CRY2: variants seen among roughly 807,000 people sequenced by gnomAD.
CRY2 encodes cryptochrome circadian regulator 2, also known as cryptochrome-2.
A neutral mutation model predicts 69.5 loss-of-function variants in CRY2; 31 were observed. The ratio of observed to expected loss-of-function variants is 0.45; its 90% CI spans 0.34 to 0.60. CRY2 has a LOEUF of 0.60. CRY2 is among the 20% of genes least tolerant of loss of function. The pLI is 0.02. For synonymous variants in CRY2, 303 were observed against 312.2 expected, an observed-to-expected ratio of 0.97 and a Z score of 0.31; for missense variants, 606 against 797.8, an observed-to-expected ratio of 0.76 and a Z score of 2.90.
Position 45,858,745 on chromosome 11 carries a change from C to G in CRY2, c.339C>G (p.Thr113=). The change falls in exon 3 of 12, where the codon ACC becomes ACG. Residue 113 remains threonine (T), a synonymous_variant. Coordinates refer to ENST00000616080, the MANE Select transcript of CRY2 (RefSeq NM_021117.5). ...FPRLFKEWGV[T]RLTFEYDSEP... is the part of the protein sequence containing the mutation. ...TCTCCCCACAGGAATGGGGAGTGAC[C>G]CGCTTGACCTTTGAATATGACTCTG... 6.2e-7 allele frequency: 1 copy of G among 1,613,778 alleles called. No homozygotes were observed. Among genetic ancestry groups the G allele is most frequent in the Non-Finnish European group, 8.5e-7 (1 of 1,179,858 alleles).
chr11:45,858,964 A>G (rs1443023198), intron 3 of CRY2, 91 bp downstream of exon 3: 1 of 1,485,770 alleles, frequency 6.7e-7, no homozygotes, highest in Non-Finnish European at 9.1e-7. Context: ...GTTCAGCATT[A>G]GGGCTACCTG....
At position 45,882,271 on chromosome 11, in the gene CRY2, T is replaced by TGC. The variant is rs2086479874; in HGVS notation, c.*1361_*1362insCG. Reference sequence around the variant, plus strand: ...CTGCACTTGAGCCACAAAGTGTGTGTGTGTGTGTGCGTGTGTGGTACGTGT... The same window carrying TGC: ...CTGCACTTGAGCCACAAAGTGTGTGTGCGTGTGTGTGCGTGTGTGGTACGTGT... On this transcript the variant is annotated 3_prime_UTR_variant, in exon 12 of 12. Transcript: ENST00000616080. 1 of 202,464 alleles carries TGC rather than the reference T, an allele frequency of 4.9e-6. No individual in the cohort carries two copies. The highest frequency in any genetic ancestry group is 2.3e-5 in the African/African-American group (1 of 43,324). The allele number at this position is 202,464 out of a possible 1,614,324, so 12.5% of individuals were successfully genotyped here.
chr11:45,849,706 C>CA (rs1292299666), intron 1 of CRY2, among the ~76,000 whole-genome samples: 2 of 151,642 alleles, frequency 1.3e-5, no homozygotes, highest in Non-Finnish European at 2.9e-5. Context: ...CTGCAACCTC[C>CA]ACCTCCCGGG....
intron 5 of CRY2, 56 bp downstream of exon 5, chr11:45,862,204 G>A: frequency 6.5e-7 from 1 of 1,526,862 alleles, no homozygotes; most frequent in South Asian, 1.2e-5. Flanking sequence ...CACAGCAGGA[G>A]ATACAGGTCA....
At chr11:45,848,382 C>T (rs557936416) in intron 1 of CRY2, among the ~76,000 whole-genome samples, 1 of 152,216 alleles carries the variant, frequency 6.6e-6, no homozygotes, top group African/African-American at 2.4e-5. Context: ...TGTTTTAAGC[C>T]CTGCTCTGGA....
At chr11:45,867,429 T>C (rs1269217734) in intron 5 of CRY2, 183 bp from the exon 6 acceptor site, 1 of 662,590 alleles carries the variant, frequency 1.5e-6, no homozygotes. Flanking sequence ...GAGAATGACA[T>C]AGACTCGTTG....
chr11:45,867,451 G>T, intron 5 of CRY2, 161 bp from the exon 6 acceptor site: 1 of 796,640 alleles, frequency 1.3e-6, no homozygotes, highest in Non-Finnish European at 2.0e-6. Context: ...TTGGTCTGAT[G>T]GTGGTTCCGT....
chr11:45,879,859 A>G lies in CRY2; in HGVS notation c.*3-1055A>G, dbSNP rs114549313. Among the ~76,000 whole-genome samples, 930 of 152,250 alleles carry G rather than the reference A, an allele frequency of 6.1e-3. 13 individuals are homozygous for G. Among genetic ancestry groups the G allele is most frequent in the Middle Eastern group, 0.02 (6 of 294 alleles). On this transcript the variant is annotated intron_variant, in intron 11 of 11. Transcript: ENST00000616080. The stretch of plus-strand genomic sequence containing the variant: ...GCCAGGGTTGGCTTCTTTTCTTCTG[A>G]GGCTCCTCTCTGTGGCTTATAAACA...
rs2086263608 is a variant in CRY2, at chr11:45,858,852, A to T, written c.446A>T (p.His149Leu). 6.2e-7 allele frequency: 1 copy of T among 1,614,094 alleles called. No individual in the cohort carries two copies. The highest frequency in any genetic ancestry group is 8.5e-7 in the Non-Finnish European group (1 of 1,179,956). Residue 149 changes from histidine to leucine, a missense_variant, in exon 3 of 12, where the codon CAT (histidine) becomes CTT (leucine). This residue lies in a region of CRY2 where 382 missense variants were observed against 508.9 expected (regional missense o/e 0.75). Coordinates refer to ENST00000616080, the MANE Select transcript of CRY2 (RefSeq NM_021117.5). The part of the protein sequence containing the change: ...AGVEVVTENS[H>L]TLYDLDRIIE... ...GTGGAAGTAGTGACGGAGAATTCTC[A>T]TACCCTCTATGACCTGGACAGGTAA...
intron 1 of CRY2, among the ~76,000 whole-genome samples, chr11:45,851,265 C>A (rs2086197657): frequency 6.6e-6 from 1 of 152,194 alleles, no homozygotes; most frequent in African/African-American, 2.4e-5. Context: ...TTATTTAAAT[C>A]ATTTTGTCCC....
chr11:45,850,622 C>A (rs1366346994), intron 1 of CRY2, among the ~76,000 whole-genome samples: 3 of 152,054 alleles, frequency 2.0e-5, no homozygotes, highest in Admixed American at 6.6e-5. Flanking sequence ...TGGAGCCAGC[C>A]ATATCTTGAC....
intron 11 of CRY2, among the ~76,000 whole-genome samples, chr11:45,873,419 T>C (rs2086401944): frequency 6.6e-6 from 1 of 152,240 alleles, no homozygotes; most frequent in African/African-American, 2.4e-5. Flanking sequence ...ATGTGTGCTA[T>C]CTTGTTCCTG....
Position 45,860,866 on chromosome 11 carries a change from G to A in CRY2, c.486G>A (p.Gly162=). 2 of 1,614,114 alleles carry A rather than the reference G, an allele frequency of 1.2e-6. No individual in the cohort carries two copies. The highest frequency in any genetic ancestry group is 1.1e-5 in the South Asian group (1 of 91,086). The change falls in exon 4 of 12, where the codon GGG becomes GGA. Residue 162 remains glycine, a synonymous_variant. Coordinates refer to ENST00000616080, the MANE Select transcript of CRY2 (RefSeq NM_021117.5). ...YDLDRIIELN[G]QKPPLTYKRF... ...TCCCCAGGATCATTGAGCTGAATGG[G>A]CAGAAGCCACCCCTTACATACAAGC... is the stretch of plus-strand genomic sequence containing the variant.
rs1280271535 is a variant in CRY2, at chr11:45,859,910, G to T, written c.468-938G>T. ...CGTGAGCCGGGCCCTCAGGAGGAGA[G>T]GCTGGGTGTGGAGATCCTCCTCCTG... On this transcript the variant is annotated intron_variant, in intron 3 of 11. Coordinates refer to ENST00000616080, the MANE Select transcript of CRY2 (RefSeq NM_021117.5). Among the ~76,000 whole-genome samples the T allele has an allele frequency of 2.0e-5, 3 of 152,142 alleles. 1 individual carries two copies. Among genetic ancestry groups the T allele is most frequent in the African/African-American group, 7.2e-5 (3 of 41,424 alleles).
chr11:45,864,524 G>A (rs2086313851), intron 5 of CRY2, among the ~76,000 whole-genome samples: 1 of 151,974 alleles, frequency 6.6e-6, no homozygotes, highest in Non-Finnish European at 1.5e-5. Flanking sequence ...GGAGGCTGAG[G>A]TGGGAGAATC....
In CRY2 at chr11:45,882,701, A is replaced by G. The variant is rs1038562860; in HGVS notation, c.*1790A>G. The G allele has an allele frequency of 2.8e-5, 11 of 398,802 alleles. No individual in the cohort carries two copies. In the East Asian group the frequency reaches 3.9e-4, roughly 14 times the overall value. 24.7% of individuals were successfully genotyped at this position (398,802 alleles called of 1,614,324 possible). A position where few individuals can be genotyped will look rare whatever the true frequency, so the allele number is the denominator to read the frequency against. Reference sequence around the variant, plus strand: ...TTCCCTGTTCCCTCAGCCCCAGTCGAGAGGAAAGAGAATCGGGCCACTGCC... The same window carrying G: ...TTCCCTGTTCCCTCAGCCCCAGTCGGGAGGAAAGAGAATCGGGCCACTGCC... On this transcript the variant is annotated 3_prime_UTR_variant, in exon 12 of 12. Transcript: ENST00000616080.
At chr11:45,855,833 C>G in intron 1 of CRY2, 149 bp from the exon 2 acceptor site, 1 of 721,400 alleles carries the variant, frequency 1.4e-6, no homozygotes, top group South Asian at 1.6e-5. Flanking sequence ...CCACATCCCT[C>G]CTGGGCTGGA....
chr11:45,859,065 G>A (rs2086265281), intron 3 of CRY2, among the ~76,000 whole-genome samples, 192 bp downstream of exon 3: 1 of 152,142 alleles, frequency 6.6e-6, no homozygotes, highest in Non-Finnish European at 1.5e-5. Flanking sequence ...TTACCCCATT[G>A]AGGTGGCAGA....
chr11:45,861,532 C>T (rs2086288345), intron 4 of CRY2: 1 of 167,134 alleles, frequency 6.0e-6, no homozygotes, highest in Admixed American at 6.1e-5. Context: ...ACCTCCACCT[C>T]CCGGGTTCAA....
Sources: gnomAD v4.1 joint callset for allele counts (sites outside exome capture counted in the v4.1 genomes callset) on GRCh38, gnomAD v4.1.1 for gene constraint, gnomAD v4.1.1 regional missense constraint, MANE v1.5 for transcripts, NCBI Gene and HGNC (gene_info 2026-07-23, HGNC 2026-07-21) for gene names.